The following DSCAM variants were observed in gnomAD, a reference collection of about 807,000 sequenced individuals.
The protein encoded by DSCAM is cell adhesion molecule DSCAM.
A neutral mutation model predicts 217.7 loss-of-function variants in DSCAM; 47 were observed. The observed-to-expected ratio is 0.22, with a 90% confidence interval of 0.17 to 0.28. The LOEUF is 0.28. Ranked by LOEUF, DSCAM falls within the 10% of genes least tolerant of loss-of-function variation. DSCAM has a pLI of 1.00. For synonymous variants in DSCAM, 1,056 were observed against 1,015.3 expected (o/e 1.04, Z -0.76); for missense variants, 2,080 against 2,618.3 (o/e 0.79, Z 4.49).
At chr21:40,201,876 G>A (rs1001712159) in intron 11 of DSCAM, among the ~76,000 whole-genome samples, 2 of 152,216 alleles carry the variant, frequency 1.3e-5, no homozygotes, top group African/African-American at 4.8e-5. Flanking sequence ...GGTAAGTGCT[G>A]TCCAGGATAT....
intron 1 of DSCAM, among the ~76,000 whole-genome samples, chr21:40,755,776 T>A (rs1477557179): frequency 2.0e-5 from 3 of 152,194 alleles, no homozygotes; most frequent in African/African-American, 7.2e-5. Flanking sequence ...AATGAGATAT[T>A]CATATAGCTT....
At chr21:40,268,615 G>GAAGGAA (rs2073572585) in intron 11 of DSCAM, among the ~76,000 whole-genome samples, 1 of 151,818 alleles carries the variant, frequency 6.6e-6, no homozygotes. Flanking sequence ...AGGAGGAGGA[G>GAAGGAA]GAGAACAGTG....
intron 3 of DSCAM, among the ~76,000 whole-genome samples, chr21:40,554,974 G>C (rs778999116): frequency 1.3e-5 from 2 of 152,134 alleles, no homozygotes; most frequent in Admixed American, 6.5e-5. Context: ...ACCAAGCCCA[G>C]TACCTAGTGC....
chr21:40,374,792 G>A (rs982336156), intron 3 of DSCAM, among the ~76,000 whole-genome samples: 2 of 152,208 alleles, frequency 1.3e-5, no homozygotes, highest in African/African-American at 4.8e-5. Flanking sequence ...CAGTGAGAAG[G>A]CGGCTGTCTG....
At chr21:40,383,670 G>A (rs964105916) in intron 3 of DSCAM, 6 of 151,970 alleles carry the variant, frequency 3.9e-5, no homozygotes, top group Admixed American at 1.3e-4. Context: ...AAAGTAAACC[G>A]CTGGTTTAGA....
intron 3 of DSCAM, chr21:40,383,849 AAC>A (rs1356436394): frequency 1.3e-5 from 2 of 152,230 alleles, no homozygotes; most frequent in African/African-American, 4.8e-5. Flanking sequence ...AAAGGACAAA[AAC>A]ACTAGCACAG....
intron 25 of DSCAM, among the ~76,000 whole-genome samples, 196 bp downstream of exon 25, chr21:40,079,956 A>T (rs2089430303): frequency 6.6e-6 from 1 of 152,198 alleles, no homozygotes; most frequent in Admixed American, 6.5e-5. Context: ...CAAATGAAAC[A>T]ATAAAAGAGA....
intron 3 of DSCAM, among the ~76,000 whole-genome samples, chr21:40,638,391 T>C (rs560617920): frequency 7.9e-5 from 12 of 152,048 alleles, no homozygotes; most frequent in African/African-American, 2.9e-4. Context: ...ATTATTTCTA[T>C]CAAAAATGAA....
At chr21:40,095,856 A>G (rs568247370) in intron 20 of DSCAM, among the ~76,000 whole-genome samples, 30 of 152,368 alleles carry the variant, frequency 2.0e-4, no homozygotes, top group African/African-American at 7.0e-4. Context: ...TATATGTTCA[A>G]AAATTTAAGT....
intron 16 of DSCAM, among the ~76,000 whole-genome samples, chr21:40,153,307 A>G (rs2837462): frequency 6.6e-6 from 1 of 152,094 alleles, no homozygotes; most frequent in Non-Finnish European, 1.5e-5. Context: ...TGATACTTGC[A>G]GTGCTGAAGG....
chr21:40,124,998 C>T (rs911292314), intron 19 of DSCAM, among the ~76,000 whole-genome samples: 4 of 152,248 alleles, frequency 2.6e-5, no homozygotes, highest in East Asian at 1.9e-4. Context: ...GGGGATGAAC[C>T]TTTTGGATCC....
chr21:40,373,072 C>A (rs1275391186), intron 3 of DSCAM, among the ~76,000 whole-genome samples: 1 of 152,120 alleles, frequency 6.6e-6, no homozygotes, highest in Non-Finnish European at 1.5e-5. Context: ...CGGAGCTGAG[C>A]CGCAAAAAAC....
chr21:40,207,412 T>A (rs967947353), intron 11 of DSCAM, among the ~76,000 whole-genome samples: 1 of 152,180 alleles, frequency 6.6e-6, no homozygotes, highest in Non-Finnish European at 1.5e-5. Flanking sequence ...TACAGTCTTC[T>A]GGGAAGCCAG....
chr21:40,087,244 T>C lies in DSCAM; in HGVS notation c.3894A>G (p.Pro1298=), dbSNP rs2089545039. Reference sequence around the variant, plus strand: ...AAGGCAAGACAATGTCTTTCATCCATGGAGTAGTCACTGTCCCACTGAAGG... The same window carrying C: ...AAGGCAAGACAATGTCTTTCATCCACGGAGTAGTCACTGTCCCACTGAAGG... ...ILTFSGTVTT[P]WMKDIVLPCK... The change falls in exon 22 of 33, where the codon CCA becomes CCG. Residue 1298 remains proline, a synonymous_variant. Transcript: ENST00000400454. 1.9e-6 allele frequency: 3 copies of C among 1,614,028 alleles called. No individual in the cohort carries two copies. Among genetic ancestry groups the C allele is most frequent in the East Asian group, 2.2e-5 (1 of 44,892 alleles).
chr21:40,197,180 G>T (rs529493718), intron 11 of DSCAM, among the ~76,000 whole-genome samples: 1 of 151,578 alleles, frequency 6.6e-6, no homozygotes, highest in Non-Finnish European at 1.5e-5. Flanking sequence ...GTGCAGTGTC[G>T]CAATCTTGGC....
chr21:40,465,368 T>C (rs1465297945), intron 3 of DSCAM, among the ~76,000 whole-genome samples: 1 of 152,166 alleles, frequency 6.6e-6, no homozygotes, highest in Non-Finnish European at 1.5e-5. Context: ...AGCTTAAACG[T>C]CTCCCAAAAG....
chr21:40,663,038 C>T (rs1389660742), intron 3 of DSCAM, among the ~76,000 whole-genome samples: 1 of 142,320 alleles, frequency 7.0e-6, no homozygotes, highest in East Asian at 2.2e-4. Context: ...TGTGTGTGTG[C>T]ACATGTGAGT....
At chr21:40,350,786 A>C (rs905635636) in intron 5 of DSCAM, among the ~76,000 whole-genome samples, 1 of 150,214 alleles carries the variant, frequency 6.7e-6, no homozygotes, top group African/African-American at 2.4e-5. Context: ...TTTCTGATTC[A>C]TTTTGGATGC....
At chr21:40,342,190 A>AATAT (rs112660503) in intron 6 of DSCAM, among the ~76,000 whole-genome samples, 4 of 152,036 alleles carry the variant, frequency 2.6e-5, no homozygotes, top group African/African-American at 9.7e-5. Flanking sequence ...AATACAAGGA[A>AATAT]ATATATATAT....
Sources: gnomAD v4.1 joint callset for allele counts (sites outside exome capture counted in the v4.1 genomes callset) on GRCh38, gnomAD v4.1.1 for gene constraint, MANE v1.5 for transcripts, NCBI Gene and HGNC (gene_info 2026-07-23, HGNC 2026-07-21) for gene names.